The following BCAS1 variants were observed in gnomAD, a reference collection of about 807,000 sequenced individuals.
BCAS1 encodes the protein brain enriched myelin associated protein 1.
A neutral mutation model predicts 65.4 loss-of-function variants in BCAS1; 46 were observed. The observed-to-expected ratio is 0.70, with a 90% CI of 0.55 to 0.90. The LOEUF (loss-of-function observed/expected upper bound fraction) is 0.90, where lower values mean the gene tolerates loss of function less well. Ranked by LOEUF, BCAS1 falls within the 40% of genes least tolerant of loss-of-function variation. The pLI is 0.00. For synonymous variants in BCAS1, 298 were observed against 293.5 expected, an observed-to-expected ratio of 1.02 and a Z score of -0.16; for missense variants, 793 against 771.2, an observed-to-expected ratio of 1.03 and a Z score of -0.33.
chr20:53,960,383 C>A (rs887280614), intron 10 of BCAS1, among the ~76,000 whole-genome samples: 10 of 145,982 alleles, frequency 6.9e-5, no homozygotes, highest in African/African-American at 2.3e-4. Context: ...GCTGTGTTGA[C>A]AGCAGCTGAT....
chr20:54,058,303 A>G, intron 2 of BCAS1, 149 bp from the exon 3 acceptor site: 1 of 780,954 alleles, frequency 1.3e-6, no homozygotes, highest in Non-Finnish European at 2.1e-6. Flanking sequence ...GTTTTCTATC[A>G]TGCCTTGGAG....
chr20:54,031,479 A>G (rs561370241), intron 3 of BCAS1, among the ~76,000 whole-genome samples: 2 of 151,280 alleles, frequency 1.3e-5, no homozygotes, highest in Admixed American at 1.3e-4. Flanking sequence ...TGGGGCTTCT[A>G]TTTCCTTTGC....
intron 10 of BCAS1, among the ~76,000 whole-genome samples, chr20:53,962,706 C>A (rs892008914): frequency 6.6e-6 from 1 of 152,102 alleles, no homozygotes; most frequent in African/African-American, 2.4e-5. Context: ...CTTAGATATT[C>A]CTCGCAATTG....
chr20:54,047,165 C>A (rs2092124552), intron 3 of BCAS1, among the ~76,000 whole-genome samples: 1 of 152,208 alleles, frequency 6.6e-6, no homozygotes, highest in South Asian at 2.1e-4. Context: ...CTAGCTTGGG[C>A]TCTCTCACAG....
chr20:53,980,097 C>A (rs768701082), intron 8 of BCAS1, among the ~76,000 whole-genome samples: 2 of 152,096 alleles, frequency 1.3e-5, no homozygotes, highest in Non-Finnish European at 2.9e-5. Flanking sequence ...ATCTTGATGA[C>A]CCAAGTACCA....
chr20:54,012,366 C>T (rs1457155985), intron 4 of BCAS1, among the ~76,000 whole-genome samples: 1 of 151,154 alleles, frequency 6.6e-6, no homozygotes, highest in Middle Eastern at 3.2e-3. Flanking sequence ...TATTGCACTA[C>T]AGGTCTGAAG....
intron 3 of BCAS1, among the ~76,000 whole-genome samples, chr20:54,050,033 G>A (rs900029886): frequency 2.0e-5 from 3 of 152,174 alleles, no homozygotes; most frequent in Non-Finnish European, 4.4e-5. Context: ...AGAAGCTGTA[G>A]GGGAGAATCT....
intron 4 of BCAS1, among the ~76,000 whole-genome samples, chr20:54,018,817 C>T (rs2091497201): frequency 6.6e-6 from 1 of 152,152 alleles, no homozygotes; most frequent in African/African-American, 2.4e-5. Context: ...AATACCAATG[C>T]AAGTGTTATG....
intron 9 of BCAS1, among the ~76,000 whole-genome samples, chr20:53,967,781 CCA>C (rs1434439219): frequency 9.8e-5 from 15 of 152,358 alleles, no homozygotes; most frequent in Middle Eastern, 3.4e-3. Flanking sequence ...GGCCCATCTA[CCA>C]CACTCTGCTC....
intron 10 of BCAS1, among the ~76,000 whole-genome samples, chr20:53,963,499 A>C (rs897889503): frequency 6.6e-6 from 1 of 152,092 alleles, no homozygotes; most frequent in African/African-American, 2.4e-5. Context: ...AAAAAAGAAA[A>C]AGGAGGGAAA....
chr20:53,969,104 GC>G (rs2090113620), intron 9 of BCAS1, among the ~76,000 whole-genome samples: 1 of 152,098 alleles, frequency 6.6e-6, no homozygotes, highest in South Asian at 2.1e-4. Context: ...AGAACAACTT[GC>G]TGGGCTCTAA....
At chr20:53,976,582 A>T (rs1257726940) in intron 8 of BCAS1, among the ~76,000 whole-genome samples, 1 of 152,246 alleles carries the variant, frequency 6.6e-6, no homozygotes, top group Non-Finnish European at 1.5e-5. Context: ...TAAGAAATAG[A>T]AGTTCAGAGA....
intron 4 of BCAS1, among the ~76,000 whole-genome samples, chr20:54,005,852 G>A (rs1382980849): frequency 6.6e-6 from 1 of 152,160 alleles, no homozygotes; most frequent in Non-Finnish European, 1.5e-5. Flanking sequence ...GAAGGCATGT[G>A]AGAAATGCAG....
chr20:53,964,608 C>A (rs575706776), intron 10 of BCAS1, among the ~76,000 whole-genome samples: 3 of 152,172 alleles, frequency 2.0e-5, no homozygotes, highest in Non-Finnish European at 4.4e-5. Context: ...TATCCTATAG[C>A]GAATTGATTC....
chr20:54,012,018 A>T (rs2091331243), intron 4 of BCAS1, among the ~76,000 whole-genome samples: 1 of 152,242 alleles, frequency 6.6e-6, no homozygotes. Context: ...ACAACCAAAC[A>T]TCAAACTGGT....
chr20:54,045,424 T>TA (rs1015051668), intron 3 of BCAS1, among the ~76,000 whole-genome samples: 70 of 151,092 alleles, frequency 4.6e-4, no homozygotes, highest in African/African-American at 1.3e-3. Flanking sequence ...TTATTACAAT[T>TA]AAAAAAAAAC....
chr20:53,988,984 G>A (rs1172722258), intron 7 of BCAS1, among the ~76,000 whole-genome samples: 1 of 152,086 alleles, frequency 6.6e-6, no homozygotes, highest in East Asian at 1.9e-4. Context: ...CTATACCACC[G>A]TTCTCAACAA....
intron 4 of BCAS1, among the ~76,000 whole-genome samples, chr20:54,017,952 A>G (rs1475551832): frequency 6.6e-6 from 1 of 152,244 alleles, no homozygotes; most frequent in Admixed American, 6.5e-5. Context: ...GCCTTTAAAT[A>G]CAAAAAACTA....
chr20:53,987,155 C>G (rs1052138903), intron 7 of BCAS1, among the ~76,000 whole-genome samples: 1 of 152,196 alleles, frequency 6.6e-6, no homozygotes, highest in Non-Finnish European at 1.5e-5. Context: ...ATGCAAGACA[C>G]AACATCTTCT....
Sources: allele counts gnomAD v4.1 joint callset (sites outside exome capture counted in the v4.1 genomes callset), GRCh38; gene constraint gnomAD v4.1.1; transcripts MANE v1.5; gene names NCBI Gene and HGNC (gene_info 2026-07-23, HGNC 2026-07-21).